Variants in NSD1 observed in about 807,000 individuals in gnomAD.
NSD1 encodes the protein nuclear receptor binding SET domain protein 1, also known as histone-lysine N-methyltransferase, H3 lysine-36 specific.
In NSD1, 26 loss-of-function variants were observed where a neutral mutation model predicts 242.7. The observed-to-expected ratio is 0.11, with a 90% CI of 0.08 to 0.15. The LOEUF (loss-of-function observed/expected upper bound fraction) is 0.15, where lower values mean the gene tolerates loss of function less well. Among genes scored for constraint, NSD1 ranks in the 10% least tolerant of loss-of-function variants. The pLI is 1.00. For missense variants in NSD1, 2,495 were observed against 3,272.8 expected (o/e 0.76, Z 5.80); for synonymous variants, 1,106 against 1,178.1 (o/e 0.94, Z 1.25).
intron 6 of NSD1, among the ~76,000 whole-genome samples, chr5:177,237,920 T>G (rs1216480529): frequency 1.3e-5 from 2 of 152,170 alleles, no homozygotes; most frequent in African/African-American, 4.8e-5. Flanking sequence ...ATCTCGATAA[T>G]TTTTTTCATC....
intron 20 of NSD1, among the ~76,000 whole-genome samples, chr5:177,284,881 C>T (rs74828686): frequency 0.023 from 3,485 of 152,210 alleles, 55 homozygotes; most frequent in South Asian, 0.054. Flanking sequence ...CCAGAAATCG[C>T]TTGAGTTCAG....
At chr5:177,262,103 T>C (rs937113152) in intron 14 of NSD1, among the ~76,000 whole-genome samples, 1 of 152,152 alleles carries the variant, frequency 6.6e-6, no homozygotes, top group Non-Finnish European at 1.5e-5. Context: ...TGAAAAGATA[T>C]GATTAAAGCC....
chr5:177,269,957 A>G lies in NSD1; in HGVS notation c.5509+150A>G. ...CTGCAAATACAGTATTTTGCAAGGA[A>G]GTTGACCCATGTAACTCATTATTTT... is the stretch of plus-strand genomic sequence containing the variant. On this transcript the variant is annotated intron_variant, in intron 16 of 22. Coordinates refer to ENST00000439151, the MANE Select transcript of NSD1 (RefSeq NM_022455.5). This position sits in a 1 kb window ranked among gnomAD's most constrained non-coding sequence, Gnocchi z 5.1. 1.5e-6 allele frequency: 1 copy of G among 657,746 alleles called. No individual in the cohort carries two copies. Among genetic ancestry groups the G allele is most frequent in the East Asian group, 2.7e-5 (1 of 36,382 alleles). 40.7% of individuals were successfully genotyped at this position (657,746 alleles called of 1,614,324 possible).
At position 177,211,516 on chromosome 5, in the gene NSD1, A is replaced by G. The variant is rs749657693; in HGVS notation, c.3117A>G (p.Val1039=). 3.7e-6 allele frequency: 6 copies of G among 1,614,128 alleles called. No homozygotes were observed. Among genetic ancestry groups the G allele is most frequent in the Non-Finnish European group, 8.5e-7 (1 of 1,180,020 alleles). ...GAGATGCTTTTTCAGCCCAAATGGT[A>G]AAGAACACAGTGAACCGTAAAGCCT... is the stretch of plus-strand genomic sequence containing the variant. ...KLRDAFSAQM[V]KNTVNRKALK... The change falls in exon 5 of 23, where the codon GTA becomes GTG. Residue 1039 remains valine (V), a synonymous_variant. Transcript: ENST00000439151.
chr5:177,268,646 C>T (rs972992063), intron 15 of NSD1, among the ~76,000 whole-genome samples: 5 of 152,134 alleles, frequency 3.3e-5, no homozygotes, highest in African/African-American at 1.2e-4. Context: ...TCCATTCTCT[C>T]CTACCCCCAG....
At chr5:177,285,464 T>G (rs1010806853) in intron 20 of NSD1, among the ~76,000 whole-genome samples, 4 of 145,172 alleles carry the variant, frequency 2.8e-5, no homozygotes, top group Non-Finnish European at 5.9e-5. Flanking sequence ...CTCTGGAGGC[T>G]GAGGCAGGAG....
At position 177,252,444 on chromosome 5, in the gene NSD1, C is replaced by T. The variant is rs145601512; in HGVS notation, c.4765+591C>T. On this transcript the variant is annotated intron_variant, in intron 12 of 22. Coordinates refer to ENST00000439151, the MANE Select transcript of NSD1 (RefSeq NM_022455.5). ...ACCAAAAAAGTAAAAAGATTATTTG[C>T]GGGTTATAATGCTTAGATTGGGTTA... 6.1e-5 allele frequency among the ~76,000 whole-genome samples: 9 copies of T among 148,128 alleles called. No homozygotes were observed. In the East Asian group the frequency reaches 7.9e-4, roughly 13 times the overall value.
chr5:177,215,700 C>T (rs1763716914), intron 5 of NSD1, among the ~76,000 whole-genome samples: 1 of 151,746 alleles, frequency 6.6e-6, no homozygotes, highest in Non-Finnish European at 1.5e-5. Context: ...GCCATGTTAG[C>T]CAGGCTGGTC....
chr5:177,297,524 C>T lies in NSD1; in HGVS notation c.*2065C>T, dbSNP rs2127289628. On this transcript the variant is annotated 3_prime_UTR_variant, in exon 23 of 23. Transcript: ENST00000439151. The stretch of plus-strand genomic sequence containing the variant: ...GAGTAGGGTTTGCTTGGTGCCAGTC[C>T]TGTGCCCTTTTCTCTCCAGTCATCT... 4.3e-6 allele frequency: 1 copy of T among 232,190 alleles called. No individual in the cohort carries two copies. The highest frequency in any genetic ancestry group is 6.1e-5 in the East Asian group (1 of 16,486). The allele number at this position is 232,190 out of a possible 1,614,324, so 14.4% of individuals were successfully genotyped here. A position where few individuals can be genotyped will look rare whatever the true frequency, so the allele number is the denominator to read the frequency against.
chr5:177,278,131 T>C (rs1200386994), intron 17 of NSD1, among the ~76,000 whole-genome samples: 2 of 152,216 alleles, frequency 1.3e-5, no homozygotes, highest in African/African-American at 2.4e-5. Context: ...TTGATGAATC[T>C]AGGAACAGAT....
chr5:177,275,057 C>G (rs954383575), intron 17 of NSD1, among the ~76,000 whole-genome samples: 1 of 151,272 alleles, frequency 6.6e-6, no homozygotes, highest in Non-Finnish European at 1.5e-5. Context: ...GACTGATAAT[C>G]TGAGATGCTA....
At chr5:177,273,606 A>T (rs1487277776) in intron 16 of NSD1, 66 bp from the exon 17 acceptor site, 1 of 1,263,266 alleles carries the variant, frequency 7.9e-7, no homozygotes, top group African/African-American at 1.5e-5. Flanking sequence ...AAAGTAAAAA[A>T]TAAGTGAATA....
intron 2 of NSD1, among the ~76,000 whole-genome samples, chr5:177,153,879 ATGT>A (rs1425697233): frequency 6.6e-6 from 1 of 152,162 alleles, no homozygotes; most frequent in Non-Finnish European, 1.5e-5. Flanking sequence ...TGTGGATGGA[ATGT>A]TTTCTGCTCT....
At chr5:177,222,163 C>T (rs2149866090) in intron 5 of NSD1, among the ~76,000 whole-genome samples, 1 of 146,634 alleles carries the variant, frequency 6.8e-6, no homozygotes, top group South Asian at 2.2e-4. Flanking sequence ...TTGTCTCACT[C>T]TGTCACCCAG....
chr5:177,157,234 C>T (rs534998672), intron 2 of NSD1, among the ~76,000 whole-genome samples: 10 of 151,516 alleles, frequency 6.6e-5, no homozygotes, highest in South Asian at 2.1e-4. Flanking sequence ...GGTGTGGTGG[C>T]GCATGGCTGT....
chr5:177,144,293 C>T (rs1382543619), intron 2 of NSD1, among the ~76,000 whole-genome samples: 3 of 151,698 alleles, frequency 2.0e-5, no homozygotes, highest in Admixed American at 6.6e-5. Context: ...CTGATCTTGG[C>T]TCCTGGCTGG....
intron 18 of NSD1, among the ~76,000 whole-genome samples, chr5:177,281,301 A>G (rs1306362196): frequency 1.3e-5 from 2 of 151,590 alleles, no homozygotes; most frequent in Non-Finnish European, 2.9e-5. Context: ...CAGGATCTCT[A>G]AGTTTCTAAT....
rs1250042002 is a variant in NSD1, at chr5:177,133,819, T to TC, written c.-147dup. 1 of 141,542 alleles carries TC rather than the reference T, an allele frequency of 7.1e-6. No individual in the cohort carries two copies. The highest frequency in any genetic ancestry group is 1.5e-5 in the Non-Finnish European group (1 of 65,100). The allele number at this position is 141,542 out of a possible 1,614,324, so 8.8% of individuals were successfully genotyped here. On this transcript the variant is annotated 5_prime_UTR_variant, in exon 1 of 23. Transcript: ENST00000439151. The surrounding 1 kb of genome is among the most constrained non-coding windows in gnomAD (Gnocchi z 6.2). ...GGGGCAGGTCGCGCTCGCTGCCTTCTCCCCTGAAGAGAGACGCGGGGGGAG... is the reference window on the plus strand; with the variant it reads ...GGGGCAGGTCGCGCTCGCTGCCTTCTCCCCCTGAAGAGAGACGCGGGGGGAG...
chr5:177,180,381 C>T (rs140520412), intron 2 of NSD1, among the ~76,000 whole-genome samples: 3,860 of 152,280 alleles, frequency 0.025, 49 homozygotes, highest in African/African-American at 0.029. Flanking sequence ...GCTGGGATTA[C>T]AGGCATGAGC....
Sources: allele counts gnomAD v4.1 joint callset (sites outside exome capture counted in the v4.1 genomes callset), GRCh38; gene constraint gnomAD v4.1.1; non-coding constraint Gnocchi (gnomAD v3.1); transcripts MANE v1.5; gene names NCBI Gene and HGNC (gene_info 2026-07-23, HGNC 2026-07-21).